The following ASPSCR1 variants were observed in gnomAD, a reference collection of about 807,000 sequenced individuals.
ASPSCR1 encodes tether containing UBX domain for GLUT4.
In ASPSCR1, 55 loss-of-function variants were observed where a neutral mutation model predicts 68.9. The observed-to-expected ratio is 0.80, with a 90% confidence interval of 0.64 to 1.00. The LOEUF (loss-of-function observed/expected upper bound fraction) is 1.00, where lower values mean the gene tolerates loss of function less well. Ranked by LOEUF, ASPSCR1 falls within the 50% of genes least tolerant of loss-of-function variation. The pLI is 0.00. For synonymous variants in ASPSCR1, 352 were observed against 332.6 expected (o/e 1.06, Z -0.63); for missense variants, 765 against 762.2 (o/e 1.00, Z -0.04).
intron 4 of ASPSCR1, among the ~76,000 whole-genome samples, chr17:81,992,790 GC>G (rs2042215303): frequency 6.6e-6 from 1 of 152,250 alleles, no homozygotes; most frequent in Non-Finnish European, 1.5e-5. Context: ...CAAATCCAAG[GC>G]CCTTTGTTGG....
intron 12 of ASPSCR1, chr17:82,016,188 GGAGGACGGTGATGCTGCATGGCTT>G (rs2043119654): frequency 2.1e-6 from 1 of 466,994 alleles, no homozygotes; most frequent in Admixed American, 3.5e-5. Flanking sequence ...GCCAGAGGAG[GGAGGACGGTGATGCTGCATGGCTT>G]GAGGACCCTC....
Position 82,016,695 on chromosome 17 carries a change from G to A in ASPSCR1, c.1406-105G>A, listed in dbSNP as rs1038933679. 2.0e-6 allele frequency: 3 copies of A among 1,464,716 alleles called. No individual in the cohort carries two copies. In the African/African-American group the frequency reaches 4.2e-5, roughly 21 times the overall value. The allele number at this position is 1,464,716 out of a possible 1,614,324, so 90.7% of individuals were successfully genotyped here. Reference sequence around the variant, plus strand: ...CGAGAGAGGACTGGGACAGCCACCTGCTGGCCACCCCCCTCCCAGAGCTGA... The same window carrying A: ...CGAGAGAGGACTGGGACAGCCACCTACTGGCCACCCCCCTCCCAGAGCTGA... On this transcript the variant is annotated intron_variant, in intron 13 of 15. Transcript: ENST00000306739.
At chr17:82,012,193 A>G in intron 11 of ASPSCR1, 38 bp from the exon 12 acceptor site, 1 of 1,603,288 alleles carries the variant, frequency 6.2e-7, no homozygotes, top group South Asian at 1.1e-5. Flanking sequence ...GGCGAGGTCC[A>G]CGGTGCTTCC....
intron 7 of ASPSCR1, chr17:82,004,552 C>CA (rs1266347636): frequency 6.6e-6 from 1 of 152,362 alleles, no homozygotes; most frequent in African/African-American, 2.4e-5. Flanking sequence ...GAGAGGCCAT[C>CA]ACACCTTTCC....
At chr17:82,014,423 G>C (rs953762857) in intron 12 of ASPSCR1, 1 of 153,946 alleles carries the variant, frequency 6.5e-6, no homozygotes, top group Non-Finnish European at 1.4e-5. Context: ...TGGATGCCCC[G>C]TCTCTCCCTG....
rs373309597 is a variant in ASPSCR1 at position 82,003,434 on chromosome 17, C to T, written c.934-5603C>T. ...CTGCACTCCAGCCTGGGCAACAGAG[C>T]GAGACGCTGTCTCAAAACAGAAACA... On this transcript the variant is annotated intron_variant, in intron 7 of 15. Coordinates refer to ENST00000306739, the MANE Select transcript of ASPSCR1 (RefSeq NM_024083.4). 7.9e-5 allele frequency among the ~76,000 whole-genome samples: 12 copies of T among 152,330 alleles called. No homozygotes were observed. The East Asian group carries it at 1.7e-3, about 22-fold the overall frequency.
intron 6 of ASPSCR1, 135 bp from the exon 7 acceptor site, chr17:81,996,285 G>T (rs377362663): frequency 8.4e-6 from 12 of 1,430,186 alleles, no homozygotes; most frequent in Non-Finnish European, 1.1e-5. Context: ...TTGGGAGGGC[G>T]CATGGGGCAG....
At chr17:81,984,590 AAAAG>A (rs2041902662) in intron 3 of ASPSCR1, among the ~76,000 whole-genome samples, 1 of 152,102 alleles carries the variant, frequency 6.6e-6, no homozygotes, top group African/African-American at 2.4e-5. Flanking sequence ...AAAAAAAAAA[AAAAG>A]AGCAGCAAAC....
chr17:82,009,453 C>G, intron 8 of ASPSCR1, 33 bp from the exon 9 acceptor site: 1 of 1,547,626 alleles, frequency 6.5e-7, no homozygotes. Context: ...CCATTCTGAC[C>G]AGAAGCCCTG....
rs1437848431 is a variant in ASPSCR1 at position 81,986,755 on chromosome 17, G to T, written c.374+1148G>T. ...AAGGTGACCGCGCGTCGGGCGCTGGGAAGGTGACTGTGCGTTGGGCGCGCT... is the reference window on the plus strand; with the variant it reads ...AAGGTGACCGCGCGTCGGGCGCTGGTAAGGTGACTGTGCGTTGGGCGCGCT... On this transcript the variant is annotated intron_variant, in intron 4 of 15. Coordinates refer to ENST00000306739, the MANE Select transcript of ASPSCR1 (RefSeq NM_024083.4). The surrounding 1 kb of genome is among the most constrained non-coding windows in gnomAD (Gnocchi z 5.2). Among the ~76,000 whole-genome samples, 1 of 152,266 alleles carries T rather than the reference G, an allele frequency of 6.6e-6. No individual in the cohort carries two copies. Among genetic ancestry groups the T allele is most frequent in the Admixed American group, 6.5e-5 (1 of 15,288 alleles).
intron 12 of ASPSCR1, among the ~76,000 whole-genome samples, chr17:82,012,588 A>G (rs2144098164): frequency 6.6e-6 from 1 of 152,212 alleles, no homozygotes; most frequent in South Asian, 2.1e-4. Flanking sequence ...CCAAGGCGGC[A>G]GCAGTCCCTG....
chr17:81,981,816 G>A (rs542418746), intron 2 of ASPSCR1, among the ~76,000 whole-genome samples: 4 of 151,800 alleles, frequency 2.6e-5, no homozygotes, highest in East Asian at 1.9e-4. Flanking sequence ...TTACAGGCAC[G>A]TGCCACGCCT....
Position 81,990,970 on chromosome 17 carries a change from C to T in ASPSCR1, c.375-3851C>T, listed in dbSNP as rs2042142624. On this transcript the variant is annotated intron_variant, in intron 4 of 15. Transcript: ENST00000306739. The surrounding 1 kb of genome is among the most constrained non-coding windows in gnomAD (Gnocchi z 4.1). ...CCCACGTCCCGTAAGGACCTAGTTG[C>T]CAAGTGGTGAAAGGCAGGGGTGTGG... Among the ~76,000 whole-genome samples, 1 of 152,044 alleles carries T rather than the reference C, an allele frequency of 6.6e-6. No individual in the cohort carries two copies. Among genetic ancestry groups the T allele is most frequent in the African/African-American group, 2.4e-5 (1 of 41,386 alleles).
chr17:81,995,004 C>A, intron 5 of ASPSCR1, 126 bp downstream of exon 5: 1 of 1,083,148 alleles, frequency 9.2e-7, no homozygotes, highest in East Asian at 2.8e-5. Flanking sequence ...GAAAGCACGA[C>A]GTGTTTCATG....
chr17:82,013,977 T>G (rs2043038437), intron 12 of ASPSCR1: 1 of 152,320 alleles, frequency 6.6e-6, no homozygotes, highest in South Asian at 2.1e-4. Flanking sequence ...GTCACCTCAC[T>G]TATCTCTTCA....
chr17:81,981,006 AAAGTAAAT>A (rs2041777250), intron 2 of ASPSCR1, among the ~76,000 whole-genome samples: 1 of 152,236 alleles, frequency 6.6e-6, no homozygotes, highest in South Asian at 2.1e-4. Context: ...CTCTACAAAA[AAAGTAAAT>A]AAGTAAATAA....
At position 82,010,715 on chromosome 17, in the gene ASPSCR1, C is replaced by G. The variant is rs988552655; in HGVS notation, c.1171-87C>G. The G allele has an allele frequency of 4.2e-6, 6 of 1,425,640 alleles. No individual in the cohort carries two copies. The African/African-American group carries it at 8.4e-5, about 20-fold the overall frequency. The allele number at this position is 1,425,640 out of a possible 1,614,324, so 88.3% of individuals were successfully genotyped here. A position where few individuals can be genotyped will look rare whatever the true frequency, so the allele number is the denominator to read the frequency against. ...CCTGCCTCAGCCCTGGTGTCCATGG[C>G]CCAGCATGGGCCGAGTGGGGAGGCC... On this transcript the variant is annotated intron_variant, in intron 9 of 15. Transcript: ENST00000306739.
At chr17:81,993,738 G>T (rs1011176120) in intron 4 of ASPSCR1, among the ~76,000 whole-genome samples, 1 of 152,266 alleles carries the variant, frequency 6.6e-6, no homozygotes, top group African/African-American at 2.4e-5. Flanking sequence ...GAGGGTTGCT[G>T]CAAGCAGTTT....
intron 4 of ASPSCR1, among the ~76,000 whole-genome samples, chr17:81,992,466 G>C (rs2042201684): frequency 6.6e-6 from 1 of 152,196 alleles, no homozygotes; most frequent in Non-Finnish European, 1.5e-5. Context: ...TGTGATTTGA[G>C]GTCCCCAAGC....
Sources: gnomAD v4.1 joint callset for allele counts (sites outside exome capture counted in the v4.1 genomes callset) on GRCh38, gnomAD v4.1.1 for gene constraint, Gnocchi (gnomAD v3.1) non-coding constraint, MANE v1.5 for transcripts, NCBI Gene and HGNC (gene_info 2026-07-23, HGNC 2026-07-21) for gene names.